The following NKIRAS1 variants were observed in gnomAD, a reference collection of about 807,000 sequenced individuals.
NKIRAS1 encodes NF-kappa-B inhibitor-interacting Ras-like protein 1.
NKIRAS1 carries 16 observed loss-of-function variants against 19.8 expected under a neutral mutation model. That is an observed-to-expected ratio of 0.81 (90% CI 0.55 to 1.23). The LOEUF is 1.23. NKIRAS1 is among the 50% of genes most tolerant of loss of function. The pLI is 0.00. For missense variants in NKIRAS1, 184 were observed against 220.0 expected, an observed-to-expected ratio of 0.84 and a Z score of 1.04; for synonymous variants, 88 against 79.0, an observed-to-expected ratio of 1.11 and a Z score of -0.61.
At chr3:23,925,184 T>A (rs903141418) in intron 1 of NKIRAS1, among the ~76,000 whole-genome samples, 11 of 152,186 alleles carry the variant, frequency 7.2e-5, no homozygotes, top group Admixed American at 3.9e-4. Flanking sequence ...CACTAATCCA[T>A]TTCGTTTCTC....
chr3:23,936,860 T>C (rs1705404368), intron 1 of NKIRAS1, among the ~76,000 whole-genome samples: 1 of 152,314 alleles, frequency 6.6e-6, no homozygotes, highest in African/African-American at 2.4e-5. Flanking sequence ...GGCTGAAAAA[T>C]TGCATTTCTA....
intron 1 of NKIRAS1, among the ~76,000 whole-genome samples, chr3:23,915,423 T>A (rs1318486121): frequency 6.6e-6 from 1 of 152,226 alleles, no homozygotes; most frequent in Non-Finnish European, 1.5e-5. Flanking sequence ...ATGTACAAAC[T>A]AAAAGACGGT....
Position 23,890,420 on chromosome 3 carries a change from C to T in NKIRAS1, c.*2675G>A, listed in dbSNP as rs1287242459. 59 of 1,216,792 alleles carry T rather than the reference C, an allele frequency of 4.8e-5. No homozygotes were observed. The highest frequency in any genetic ancestry group is 1.2e-4 in the East Asian group (5 of 40,774). 75.4% of individuals were successfully genotyped at this position (1,216,792 alleles called of 1,614,324 possible). The stretch of plus-strand genomic sequence containing the variant: ...ATGGGTTTGATCACACATACTTTGT[C>T]GTACGTATCTACCCAAGCTGTCACT... On this transcript the variant is annotated 3_prime_UTR_variant, in exon 5 of 5. Coordinates refer to ENST00000425478, the MANE Select transcript of NKIRAS1 (RefSeq NM_020345.4).
At chr3:23,918,466 C>T, upstream of NKIRAS1, 4 of 1,612,968 alleles carry the variant, frequency 2.5e-6, no homozygotes, top group Non-Finnish European at 3.4e-6. Context: ...GATTCGTGTT[C>T]GCCGTGGTGG....
chr3:23,902,104 T>C (rs1702577359), intron 3 of NKIRAS1, among the ~76,000 whole-genome samples: 1 of 151,938 alleles, frequency 6.6e-6, no homozygotes, highest in Non-Finnish European at 1.5e-5. Context: ...TAAAAATAAA[T>C]GAATGTGAGA....
At chr3:23,921,527 T>A, upstream of NKIRAS1, 2 of 680,784 alleles carry the variant, frequency 2.9e-6, no homozygotes, top group Non-Finnish European at 5.3e-6. Flanking sequence ...GCTTTACTAT[T>A]TCTATATTGG....
upstream of NKIRAS1, chr3:23,919,982 C>A: frequency 2.0e-6 from 2 of 987,360 alleles, no homozygotes; most frequent in Non-Finnish European, 2.4e-6. Context: ...CTCCACAGTA[C>A]CATTTTAAAT....
chr3:23,912,140 C>T (rs1055472144), intron 1 of NKIRAS1, among the ~76,000 whole-genome samples: 1 of 152,090 alleles, frequency 6.6e-6, no homozygotes, highest in Non-Finnish European at 1.5e-5. Context: ...ATGCACAGGA[C>T]TTCATGACTA....
At chr3:23,936,980 T>C (rs7646930) in intron 1 of NKIRAS1, among the ~76,000 whole-genome samples, 97,584 of 152,084 alleles carry the variant, frequency 0.64, 31,528 homozygotes, top group Middle Eastern at 0.73. Flanking sequence ...ACTTGGAGAA[T>C]TCACCAGTGG....
intron 4 of NKIRAS1, among the ~76,000 whole-genome samples, chr3:23,896,528 G>A (rs1003205058): frequency 1.3e-5 from 2 of 151,876 alleles, no homozygotes; most frequent in South Asian, 2.1e-4. Context: ...CAGGAAAATC[G>A]CTTGAACCTG....
At chr3:23,945,635 A>G (rs911469049) in intron 1 of NKIRAS1, 2 of 1,077,702 alleles carry the variant, frequency 1.9e-6, no homozygotes, top group Admixed American at 5.4e-5. Flanking sequence ...GGCCGGAGGG[A>G]GCGCTCAGAG....
intron 1 of NKIRAS1, among the ~76,000 whole-genome samples, chr3:23,944,428 C>G (rs977549806): frequency 3.3e-5 from 5 of 152,208 alleles, no homozygotes; most frequent in African/African-American, 1.2e-4. Context: ...ATGCCTCTAT[C>G]AGCCCATCTT....
chr3:23,943,413 T>C (rs1156541645), intron 1 of NKIRAS1, among the ~76,000 whole-genome samples: 1 of 152,124 alleles, frequency 6.6e-6, no homozygotes, highest in Non-Finnish European at 1.5e-5. Flanking sequence ...GTATTTTTAG[T>C]AGAGATGGGG....
At chr3:23,913,911 T>C (rs781006279) in intron 1 of NKIRAS1, among the ~76,000 whole-genome samples, 2 of 152,300 alleles carry the variant, frequency 1.3e-5, no homozygotes, top group South Asian at 2.1e-4. Context: ...ATATTAGAAG[T>C]TGCTTATCCA....
At chr3:23,916,661 G>C (rs2125445920) in intron 1 of NKIRAS1, 123 bp downstream of exon 1, 1 of 152,734 alleles carries the variant, frequency 6.5e-6, no homozygotes, top group Admixed American at 6.5e-5. Flanking sequence ...GGATCTCTCA[G>C]CGCAGCTCTG....
rs138576872 is a variant in NKIRAS1, at chr3:23,943,170, T to C, written c.-140+3153A>G. Among the ~76,000 whole-genome samples, 67 of 152,378 alleles carry C rather than the reference T, an allele frequency of 4.4e-4. 1 individual carries two copies. In the East Asian group the frequency reaches 0.012, roughly 27 times the overall value. ...TGCCCTAAAAATCCTCTGTGCTCTA[T>C]TCATCCCTCCTTCCCCTCTAGCCTT... is the stretch of plus-strand genomic sequence containing the variant. On this transcript the variant is annotated intron_variant, in intron 1 of 4. Coordinates refer to the NKIRAS1 transcript ENST00000421515.
rs1205453393 is a variant in NKIRAS1 at position 23,892,946 on chromosome 3, C to T, written c.*149G>A. The T allele has an allele frequency of 3.1e-6, 2 of 649,630 alleles. No individual in the cohort carries two copies. Among genetic ancestry groups the T allele is most frequent in the African/African-American group, 3.7e-5 (2 of 53,594 alleles). 40.2% of individuals were successfully genotyped at this position (649,630 alleles called of 1,614,324 possible). On this transcript the variant is annotated 3_prime_UTR_variant, in exon 5 of 5. Transcript: ENST00000425478. ...ACCTTAGCCCAAATACTTTTAACAT[C>T]TAAAGTGCATTAATTGACTTCCTTA...
At chr3:23,907,130 G>A (rs1413916977) in intron 3 of NKIRAS1, among the ~76,000 whole-genome samples, 1 of 152,190 alleles carries the variant, frequency 6.6e-6, no homozygotes, top group African/African-American at 2.4e-5. Context: ...CTGACTTCAA[G>A]TGATCCGCCT....
Position 23,901,546 on chromosome 3 carries a change from T to A in NKIRAS1, c.95-497A>T, listed in dbSNP as rs1428203424. 2.6e-5 allele frequency among the ~76,000 whole-genome samples: 4 copies of A among 152,344 alleles called. No individual in the cohort carries two copies. In the East Asian group the frequency reaches 5.8e-4, roughly 22 times the overall value. ...AAAATAAAAATCCCCTTCTTGTTTA[T>A]GATCTTTTAAAAATGCATTTTACCA... On this transcript the variant is annotated intron_variant, in intron 3 of 4. Transcript: ENST00000425478.
Sources: allele counts gnomAD v4.1 joint callset (sites outside exome capture counted in the v4.1 genomes callset), GRCh38; gene constraint gnomAD v4.1.1; transcripts MANE v1.5; gene names NCBI Gene and HGNC (gene_info 2026-07-23, HGNC 2026-07-21).